PARD3: variants seen among roughly 807,000 people sequenced by gnomAD.
PARD3 encodes partitioning defective 3 homolog.
Under a neutral mutation model 155.4 loss-of-function variants are expected in PARD3, and 75 were observed. That is an observed-to-expected ratio of 0.48 (90% CI 0.40 to 0.58). The LOEUF (loss-of-function observed/expected upper bound fraction) is 0.58. PARD3 is among the 20% of genes least tolerant of loss of function. The pLI, the probability that PARD3 is intolerant of heterozygous loss-of-function variation, is 0.00. For missense variants in PARD3, 1,642 were observed against 1,721.7 expected (o/e 0.95, Z 0.82); for synonymous variants, 576 against 610.5 (o/e 0.94, Z 0.83).
chr10:34,228,258 G>C (rs989325688), intron 22 of PARD3, among the ~76,000 whole-genome samples: 1 of 151,888 alleles, frequency 6.6e-6, no homozygotes, highest in Non-Finnish European at 1.5e-5. Context: ...GGGCTTACTG[G>C]AGGGAGGAGG....
intron 2 of PARD3, among the ~76,000 whole-genome samples, chr10:34,650,840 C>T (rs2092988365): frequency 6.6e-6 from 1 of 151,842 alleles, no homozygotes; most frequent in South Asian, 2.1e-4. Flanking sequence ...GGAGAAATCT[C>T]GTCCCTACTA....
At chr10:34,772,103 G>C (rs1838952623) in intron 1 of PARD3, among the ~76,000 whole-genome samples, 1 of 152,194 alleles carries the variant, frequency 6.6e-6, no homozygotes, top group Non-Finnish European at 1.5e-5. Context: ...CACAAATCCA[G>C]AATGCCCTGG....
chr10:34,509,228 C>T (rs1214464074), intron 3 of PARD3, among the ~76,000 whole-genome samples: 1 of 152,106 alleles, frequency 6.6e-6, no homozygotes, highest in Non-Finnish European at 1.5e-5. Flanking sequence ...CAGAGCAGAA[C>T]ATGCATCTAC....
chr10:34,308,964 T>C (rs910667281), intron 20 of PARD3, among the ~76,000 whole-genome samples: 3 of 151,960 alleles, frequency 2.0e-5, no homozygotes, highest in African/African-American at 7.3e-5. Flanking sequence ...AGAGCCATGA[T>C]TAACATGCTG....
At chr10:34,660,215 G>A (rs2093285667) in intron 2 of PARD3, among the ~76,000 whole-genome samples, 1 of 152,036 alleles carries the variant, frequency 6.6e-6, no homozygotes, top group African/African-American at 2.4e-5. Flanking sequence ...CCTCCATTGT[G>A]TGTATTTCTC....
chr10:34,513,312 T>C (rs1396107775), intron 3 of PARD3, among the ~76,000 whole-genome samples: 1 of 152,176 alleles, frequency 6.6e-6, no homozygotes, highest in Non-Finnish European at 1.5e-5. Context: ...CAGAGTCTCA[T>C]TCTGCCGCCC....
At chr10:34,267,787 T>C (rs1283614375) in intron 22 of PARD3, among the ~76,000 whole-genome samples, 1 of 152,280 alleles carries the variant, frequency 6.6e-6, no homozygotes, top group East Asian at 1.9e-4. Context: ...GGACCAATGG[T>C]ACCAGCATCA....
intron 7 of PARD3, among the ~76,000 whole-genome samples, chr10:34,391,498 A>G (rs1268457622): frequency 6.6e-6 from 1 of 152,182 alleles, no homozygotes; most frequent in South Asian, 2.1e-4. Flanking sequence ...ATAATCATGT[A>G]AATCTTAGTT....
chr10:34,444,355 G>A lies in PARD3; in HGVS notation c.714+5962C>T, dbSNP rs567822708. Reference sequence around the variant, plus strand: ...ATTTATTAGTTGCAATAAAGTGTGGGAATATAAGAACAAAGTCAGCTTATG... The same window carrying A: ...ATTTATTAGTTGCAATAAAGTGTGGAAATATAAGAACAAAGTCAGCTTATG... On this transcript the variant is annotated intron_variant, in intron 5 of 24. Coordinates refer to ENST00000374788, the MANE Select transcript of PARD3 (RefSeq NM_001184785.2). 4.6e-5 allele frequency among the ~76,000 whole-genome samples: 7 copies of A among 152,296 alleles called. No homozygotes were observed. In the South Asian group the frequency reaches 1.2e-3, roughly 27 times the overall value.
chr10:34,331,085 A>T, intron 19 of PARD3, 32 bp downstream of exon 19: 1 of 1,539,572 alleles, frequency 6.5e-7, no homozygotes, highest in Non-Finnish European at 9.0e-7. Flanking sequence ...GTCTAATTTT[A>T]ATTATTATTC....
At chr10:34,771,563 A>G (rs916367143) in intron 1 of PARD3, among the ~76,000 whole-genome samples, 2 of 152,254 alleles carry the variant, frequency 1.3e-5, no homozygotes, top group African/African-American at 4.8e-5. Context: ...CAAAACTGAG[A>G]AAGAAAAATG....
intron 5 of PARD3, among the ~76,000 whole-genome samples, chr10:34,432,887 G>C (rs950527000): frequency 2.6e-5 from 4 of 152,096 alleles, no homozygotes; most frequent in Admixed American, 1.3e-4. Flanking sequence ...CACTCAGGGA[G>C]GTAGAGCAAA....
intron 2 of PARD3, among the ~76,000 whole-genome samples, chr10:34,668,725 T>A (rs1194829101): frequency 6.6e-6 from 1 of 152,162 alleles, no homozygotes; most frequent in African/African-American, 2.4e-5. Context: ...ATAATCACAG[T>A]ACTTTTGGAT....
At chr10:34,531,467 T>TTTTCTCAAAA (rs2082850584) in intron 2 of PARD3, among the ~76,000 whole-genome samples, 1 of 152,240 alleles carries the variant, frequency 6.6e-6, no homozygotes, top group Non-Finnish European at 1.5e-5. Context: ...TGTAATGACA[T>TTTTCTCAAAA]TACTTTTTCT....
At chr10:34,666,797 ATAT>A (rs1275468406) in intron 2 of PARD3, among the ~76,000 whole-genome samples, 12 of 65,094 alleles carry the variant, frequency 1.8e-4, no homozygotes, top group African/African-American at 7.2e-4. Flanking sequence ...AAAAAAAAAA[ATAT>A]ATATATATAT....
chr10:34,523,789 TAA>T (rs2082301398), intron 2 of PARD3, among the ~76,000 whole-genome samples: 1 of 152,348 alleles, frequency 6.6e-6, no homozygotes, highest in South Asian at 2.1e-4. Context: ...ATGCATTTTT[TAA>T]GTTTGAAGTC....
At chr10:34,345,934 G>C (rs1322386334) in intron 15 of PARD3, 3 of 984,182 alleles carry the variant, frequency 3.0e-6, no homozygotes, top group Non-Finnish European at 3.6e-6. Flanking sequence ...ATATATACTT[G>C]TCAGGGTAAA....
chr10:34,584,040 A>G (rs1293491801), intron 2 of PARD3, among the ~76,000 whole-genome samples: 3 of 152,208 alleles, frequency 2.0e-5, no homozygotes, highest in Non-Finnish European at 2.9e-5. Context: ...CACTTAGATT[A>G]TACGTGATAC....
intron 2 of PARD3, among the ~76,000 whole-genome samples, chr10:34,687,406 G>A (rs1037161397): frequency 4.6e-5 from 7 of 151,972 alleles, no homozygotes; most frequent in African/African-American, 1.5e-4. Flanking sequence ...TTTTTCTAAC[G>A]GAACTGGCCA....
Sources: allele counts gnomAD v4.1 joint callset (sites outside exome capture counted in the v4.1 genomes callset), GRCh38; gene constraint gnomAD v4.1.1; transcripts MANE v1.5; gene names NCBI Gene and HGNC (gene_info 2026-07-23, HGNC 2026-07-21).